Variants in ITIH2 observed in about 807,000 individuals in gnomAD.
ITIH2 encodes inter-alpha-trypsin inhibitor heavy chain 2.
ITIH2 carries 103 observed loss-of-function variants against 104.4 expected under a neutral mutation model. The observed-to-expected ratio is 0.99, with a 90% CI of 0.84 to 1.16. The LOEUF is 1.16. Ranked by LOEUF, ITIH2 falls within the 50% of genes most tolerant of loss-of-function variation. The pLI, the probability that ITIH2 is intolerant of heterozygous loss-of-function variation, is 0.00. For missense variants in ITIH2, 1,108 were observed against 1,162.4 expected, an observed-to-expected ratio of 0.95 and a Z score of 0.68; for synonymous variants, 436 against 435.4, an observed-to-expected ratio of 1.00 and a Z score of -0.02.
At chr10:7,708,616 T>C (rs2026611) in intron 3 of ITIH2, among the ~76,000 whole-genome samples, 10,981 of 152,180 alleles carry the variant, frequency 0.072, 410 homozygotes, top group Admixed American at 0.086. Flanking sequence ...CTACTAAAGA[T>C]ACAACCAAGT....
In ITIH2 at chr10:7,734,847, C is replaced by G. The variant is rs138040024; in HGVS notation, c.1788-75C>G. 671 of 1,329,008 alleles carry G rather than the reference C, an allele frequency of 5.0e-4. 3 individuals carry two copies. The African/African-American group carries it at 8.2e-3, about 16-fold the overall frequency. 82.3% of individuals were successfully genotyped at this position (1,329,008 alleles called of 1,614,324 possible). A position where few individuals can be genotyped will look rare whatever the true frequency, so the allele number is the denominator to read the frequency against. On this transcript the variant is annotated intron_variant, in intron 14 of 20. Coordinates refer to ENST00000358415, the MANE Select transcript of ITIH2 (RefSeq NM_002216.3). ...GTTGGACCCCAGCAGTGGTGGGGTG[C>G]AGGGTCAGGGAGCTGACTTGCGCTC...
chr10:7,714,783 A>G (rs1428696278), intron 5 of ITIH2, among the ~76,000 whole-genome samples: 4 of 152,152 alleles, frequency 2.6e-5, no homozygotes, highest in African/African-American at 9.7e-5. Context: ...CGAGTGTGTC[A>G]TCCTGTCTGG....
rs1564302621 is a variant in ITIH2, at chr10:7,727,124, T to C, written c.1153+6T>C. The C allele has an allele frequency of 2.5e-6, 4 of 1,610,620 alleles. No individual in the cohort carries two copies. The highest frequency in any genetic ancestry group is 3.4e-6 in the Non-Finnish European group (4 of 1,177,952). On this transcript the variant is annotated splice_donor_region_variant and intron_variant, in intron 10 of 20. Transcript: ENST00000358415. ...GAAAATCCAGCCCAGTGGAGGTGAG[T>C]GTGTTGGGCTAAATCCCAAGGAGAC...
In ITIH2 at chr10:7,705,300, A is replaced by G. The variant is rs1834736426; in HGVS notation, c.159+118A>G. ...CTTAAGAGTTTGTTTTTTAGCACAGAAGAGTCCAGACTTCTTACACCTTGG... is the reference window on the plus strand; with the variant it reads ...CTTAAGAGTTTGTTTTTTAGCACAGGAGAGTCCAGACTTCTTACACCTTGG... On this transcript the variant is annotated intron_variant, in intron 2 of 20. Coordinates refer to ENST00000358415, the MANE Select transcript of ITIH2 (RefSeq NM_002216.3). The G allele has an allele frequency of 6.7e-6, 5 of 744,292 alleles. No homozygotes were observed. The African/African-American group carries it at 8.8e-5, about 13-fold the overall frequency. 46.1% of individuals were successfully genotyped at this position (744,292 alleles called of 1,614,324 possible).
chr10:7,739,202 G>A (rs551618286), intron 16 of ITIH2, among the ~76,000 whole-genome samples: 6 of 152,334 alleles, frequency 3.9e-5, no homozygotes, highest in African/African-American at 1.2e-4. Context: ...ATGGGAGGGA[G>A]AGCGTCTCCT....
chr10:7,734,949 GAGA>G lies in ITIH2; in HGVS notation c.1820_1822del (p.Arg607del). On this transcript the variant is annotated inframe_deletion, in exon 15 of 21. Coordinates refer to ENST00000358415, the MANE Select transcript of ITIH2 (RefSeq NM_002216.3). The stretch of plus-strand genomic sequence containing the variant: ...GCCTGGCTCCTACAGCTGCCGCCAA[GAGA>G]AGAATTACAAGATCGATCCTGCAGA... The G allele has an allele frequency of 9.3e-6, 15 of 1,613,372 alleles. No individual in the cohort carries two copies. Among genetic ancestry groups the G allele is most frequent in the Non-Finnish European group, 1.3e-5 (15 of 1,179,986 alleles).
chr10:7,718,662 G>C (rs987387750), intron 6 of ITIH2, among the ~76,000 whole-genome samples: 1 of 152,184 alleles, frequency 6.6e-6, no homozygotes, highest in Non-Finnish European at 1.5e-5. Context: ...GTAGTTTTCC[G>C]ATCCTTTCTC....
Position 7,744,654 on chromosome 10 carries a change from A to G in ITIH2, c.2409-137A>G. 6 of 706,390 alleles carry G rather than the reference A, an allele frequency of 8.5e-6. No homozygotes were observed. In the South Asian group the frequency reaches 1.2e-4, roughly 14 times the overall value. 43.8% of individuals were successfully genotyped at this position (706,390 alleles called of 1,614,324 possible). ...GTTTCTGTTAATCCATCATTTATCT[A>G]TAAACTGTTGCAAGCGCTTAGATAA... On this transcript the variant is annotated intron_variant, in intron 18 of 20. Coordinates refer to ENST00000358415, the MANE Select transcript of ITIH2 (RefSeq NM_002216.3).
intron 11 of ITIH2, among the ~76,000 whole-genome samples, chr10:7,729,523 T>C (rs12250737): frequency 0.011 from 1,629 of 152,262 alleles, 31 homozygotes; most frequent in African/African-American, 0.037. Flanking sequence ...CATACATTTA[T>C]ACATGCATGC....
At position 7,707,248 on chromosome 10, in the gene ITIH2, T is replaced by A. The variant is rs1301076295; in HGVS notation, c.192+15T>A. ...AAGAAATGATGGTAAGTTGACTTGA[T>A]GTTGTTACAGATTGAATGATTTTCC... On this transcript the variant is annotated intron_variant, in intron 3 of 20. Transcript: ENST00000358415. The A allele has an allele frequency of 1.3e-6, 2 of 1,582,664 alleles. No individual in the cohort carries two copies. Among genetic ancestry groups the A allele is most frequent in the Non-Finnish European group, 1.7e-6 (2 of 1,153,572 alleles).
At position 7,713,178 on chromosome 10, in the gene ITIH2, T is replaced by C. The variant is rs1191936168; in HGVS notation, c.363-3T>C. 1.2e-6 allele frequency: 2 copies of C among 1,610,846 alleles called. No homozygotes were observed. Among genetic ancestry groups the C allele is most frequent in the South Asian group, 2.2e-5 (2 of 90,986 alleles). ...CAACTGGTTACCTTCTGTCATTTTC[T>C]AGGACTGTGGACGGCAAGACATTTA... On this transcript the variant is annotated splice_region_variant and splice_polypyrimidine_tract_variant and intron_variant, in intron 4 of 20. Coordinates refer to ENST00000358415, the MANE Select transcript of ITIH2 (RefSeq NM_002216.3).
rs143269278 is a variant in ITIH2 at position 7,715,666 on chromosome 10, C to T, written c.468-1960C>T. 8.9e-3 allele frequency among the ~76,000 whole-genome samples: 1,353 copies of T among 152,264 alleles called. 11 individuals carry two copies. The highest frequency in any genetic ancestry group is 0.013 in the Non-Finnish European group (892 of 68,018). On this transcript the variant is annotated intron_variant, in intron 5 of 20. Transcript: ENST00000358415. ...ATCTTTTTCTTCAATTATTTGATAT[C>T]GCAAGCTGACTATCCACAACAACTC...
intron 20 of ITIH2, among the ~76,000 whole-genome samples, chr10:7,748,265 C>T (rs1342490695): frequency 7.3e-6 from 1 of 136,812 alleles, no homozygotes; most frequent in Non-Finnish European, 1.6e-5. Flanking sequence ...TATATATTTA[C>T]TATAATGACA....
chr10:7,729,746 A>G (rs1362669044), intron 11 of ITIH2: 5 of 458,624 alleles, frequency 1.1e-5, no homozygotes, highest in African/African-American at 2.0e-5. Flanking sequence ...TAATTCCCAA[A>G]TAATGTTGCT....
rs141925309 is a variant in ITIH2 at position 7,713,271 on chromosome 10, G to A, written c.453G>A (p.Thr151=). 6.6e-5 allele frequency: 107 copies of A among 1,613,900 alleles called. No homozygotes were observed. The Middle Eastern group carries it at 2.6e-3, about 40-fold the overall frequency. ...CACAGGCCAGAGCAAAAGGCAAGAC[G>A]GCTGGCTTGGTGAGGTAAGGCCTGA... ...LYAQARAKGK[T]AGLVRSSALD... Residue 151 remains threonine (T), a synonymous_variant, in exon 5 of 21, where the codon ACG becomes ACA. Transcript: ENST00000358415.
At chr10:7,708,547 AG>A (rs1275045554) in intron 3 of ITIH2, among the ~76,000 whole-genome samples, 1 of 152,096 alleles carries the variant, frequency 6.6e-6, no homozygotes, top group Non-Finnish European at 1.5e-5. Flanking sequence ...GAGAGCTGTA[AG>A]GGGGGGTTGG....
At chr10:7,738,988 GCAAA>G (rs1306285993) in intron 16 of ITIH2, among the ~76,000 whole-genome samples, 1 of 152,198 alleles carries the variant, frequency 6.6e-6, no homozygotes, top group African/African-American at 2.4e-5. Context: ...AAACCTTTCT[GCAAA>G]CAGTTTCAGT....
At position 7,744,218 on chromosome 10, in the gene ITIH2, G is replaced by A. The variant is rs1835153879; in HGVS notation, c.2346G>A (p.Leu782=). The A allele has an allele frequency of 1.2e-6, 2 of 1,614,124 alleles. No individual in the cohort carries two copies. The highest frequency in any genetic ancestry group is 2.2e-5 in the South Asian group (2 of 91,082). ...AAATCAGCACTGAGACCATCACCCT[G>A]AGCCATGGTTCTAGCACATTCTCCT... ...KIEISTETIT[L]SHGSSTFSLS... is the part of the protein sequence containing the mutation. Residue 782 remains leucine, a synonymous_variant, in exon 18 of 21, where the codon CTG becomes CTA. Transcript: ENST00000358415.
At chr10:7,732,024 C>CT (rs780245959) in intron 13 of ITIH2, 28 bp downstream of exon 13, 2 of 1,540,832 alleles carry the variant, frequency 1.3e-6, no homozygotes. Context: ...TTTATTCTAT[C>CT]TACTAACTGA....
Sources: gnomAD v4.1 joint callset for allele counts (sites outside exome capture counted in the v4.1 genomes callset) on GRCh38, gnomAD v4.1.1 for gene constraint, MANE v1.5 for transcripts, NCBI Gene and HGNC (gene_info 2026-07-23, HGNC 2026-07-21) for gene names.